Variants in PPP4R3A observed in about 807,000 individuals in gnomAD.
PPP4R3A encodes the protein serine/threonine-protein phosphatase 4 regulatory subunit 3A.
In PPP4R3A, 15 loss-of-function variants were observed where a neutral mutation model predicts 91.7. The observed-to-expected ratio is 0.16, with a 90% CI of 0.11 to 0.25. The LOEUF is 0.25. PPP4R3A is among the 10% of genes least tolerant of loss of function. The probability of loss-of-function intolerance (pLI) is 1.00; values close to 1 mark genes in which losing one functional copy is unlikely to be tolerated. For missense variants in PPP4R3A, 623 were observed against 998.4 expected (o/e 0.62, Z 5.07); for synonymous variants, 377 against 348.7 (o/e 1.08, Z -0.91).
chr14:91,500,137 G>A (rs544996551), intron 1 of PPP4R3A, among the ~76,000 whole-genome samples: 2 of 152,344 alleles, frequency 1.3e-5, no homozygotes, highest in South Asian at 2.1e-4. Flanking sequence ...CTACCTCACA[G>A]GGTTGCCATT....
chr14:91,471,810 T>C (rs1239413564), intron 9 of PPP4R3A, among the ~76,000 whole-genome samples: 1 of 152,102 alleles, frequency 6.6e-6, no homozygotes, highest in African/African-American at 2.4e-5. Flanking sequence ...ACACCTATAA[T>C]CCCAGCACTT....
chr14:91,473,900 G>A (rs1889002367), intron 7 of PPP4R3A, among the ~76,000 whole-genome samples: 1 of 152,126 alleles, frequency 6.6e-6, no homozygotes. Context: ...CTCCCTAGTA[G>A]CTGGGATTAC....
intron 1 of PPP4R3A, among the ~76,000 whole-genome samples, chr14:91,493,295 C>A (rs1890338776): frequency 7.0e-6 from 1 of 143,826 alleles, no homozygotes; most frequent in Admixed American, 6.9e-5. Context: ...CCAGCCTGGT[C>A]AACAGAGACT....
intron 3 of PPP4R3A, among the ~76,000 whole-genome samples, chr14:91,485,200 A>C (rs1487007604): frequency 6.6e-6 from 1 of 152,268 alleles, no homozygotes; most frequent in Non-Finnish European, 1.5e-5. Flanking sequence ...CTACAAAAGT[A>C]AAAATGAAGA....
In PPP4R3A at chr14:91,475,932, G is replaced by A. The variant is rs776093984; in HGVS notation, c.1145C>T (p.Thr382Ile). The change falls in exon 7 of 15, where the codon ACT (threonine) becomes ATT (isoleucine). Residue 382 changes from threonine to isoleucine, a missense_variant. Physicochemically the swap from Thr to Ile is moderately conservative, Grantham distance 89 (BLOSUM62 -1). Coordinates refer to ENST00000554943, the MANE Select transcript of PPP4R3A (RefSeq NM_001366432.2). ...TTCAACCAAGTATGAGAATATATCA[G>A]TAGCAGCACTTCGCACCTGTGTATC... ...MDDTQVRSAA[T>I]DIFSYLVEYN... The A allele has an allele frequency of 7.0e-5, 113 of 1,605,804 alleles. No homozygotes were observed. The highest frequency in any genetic ancestry group is 1.7e-4 in the Middle Eastern group (1 of 6,050).
At chr14:91,489,625 T>C (rs149679132) in intron 2 of PPP4R3A, among the ~76,000 whole-genome samples, 531 of 152,354 alleles carry the variant, frequency 3.5e-3, no homozygotes, top group Non-Finnish European at 5.9e-3. Context: ...TTTCAATCTT[T>C]CCTTTTTCTT....
rs1889567763 is a variant in PPP4R3A at position 91,481,720 on chromosome 14, C to T, written c.771G>A (p.Leu257=). Residue 257 remains leucine, a synonymous_variant, in exon 4 of 15, where the codon CTG becomes CTA. Transcript: ENST00000554943. ...TGTATGTCTGATGAATTTTTTGTTT[C>T]AGCTCAGGATCTGATATGGGAATCA... The part of the protein sequence containing the change: ...KEVIPISDPE[L]KQKIHQTYRV... 1 of 1,613,962 alleles carries T rather than the reference C, an allele frequency of 6.2e-7. No homozygotes were observed. Among genetic ancestry groups the T allele is most frequent in the Non-Finnish European group, 8.5e-7 (1 of 1,179,978 alleles).
At position 91,458,763 on chromosome 14, in the gene PPP4R3A, G is replaced by C. The variant is rs964682464; in HGVS notation, c.2498C>G (p.Ser833Ter). Reference sequence around the variant, plus strand: ...GATCCTAGGCCGTTGCCATTATTATGAATCAAATTTTGCTTTCTTTGACAA... The same window carrying C: ...GATCCTAGGCCGTTGCCATTATTATCAATCAAATTTTGCTTTCTTTGACAA... ...LPLSKKAKFD[S>*] The change falls in exon 15 of 15, where the codon TCA becomes TGA. Residue 833 changes from serine (S) to a stop codon, truncating the protein, a stop_gained. Transcript: ENST00000554943. LOFTEE classifies it high-confidence loss of function. 2 of 1,613,946 alleles carry C rather than the reference G, an allele frequency of 1.2e-6. No individual in the cohort carries two copies. Among genetic ancestry groups the C allele is most frequent in the Admixed American group, 1.7e-5 (1 of 59,992 alleles).
intron 2 of PPP4R3A, among the ~76,000 whole-genome samples, chr14:91,486,873 C>T (rs1889910874): frequency 7.3e-6 from 1 of 136,206 alleles, no homozygotes; most frequent in East Asian, 2.1e-4. Context: ...CACTGCACTC[C>T]AGCCTGGGCA....
intron 4 of PPP4R3A, among the ~76,000 whole-genome samples, chr14:91,477,599 T>C (rs565027689): frequency 2.0e-5 from 3 of 152,328 alleles, no homozygotes; most frequent in Non-Finnish European, 2.9e-5. Flanking sequence ...GCCTTCATGA[T>C]TGTCCGGTCA....
intron 1 of PPP4R3A, among the ~76,000 whole-genome samples, chr14:91,508,968 G>C (rs1891581919): frequency 1.3e-5 from 2 of 152,204 alleles, no homozygotes; most frequent in Admixed American, 6.5e-5. Flanking sequence ...TTAGTGTAGA[G>C]TTGCCAGATA....
At chr14:91,470,745 CCTGTA>C in intron 10 of PPP4R3A, 87 bp downstream of exon 10, 1 of 1,428,342 alleles carries the variant, frequency 7.0e-7, no homozygotes. Context: ...GATCTCCTGA[CCTGTA>C]ATCAGTGGTC....
intron 3 of PPP4R3A, among the ~76,000 whole-genome samples, chr14:91,484,621 A>G (rs566532872): frequency 9.8e-5 from 15 of 152,322 alleles, no homozygotes; most frequent in African/African-American, 3.1e-4. Flanking sequence ...AAGGATTTTA[A>G]AAAACAATTA....
chr14:91,497,684 A>C (rs537945438), intron 1 of PPP4R3A, among the ~76,000 whole-genome samples: 18 of 152,346 alleles, frequency 1.2e-4, no homozygotes, highest in African/African-American at 4.3e-4. Flanking sequence ...AAGACTGAAA[A>C]TTGAATCATC....
chr14:91,498,492 A>C (rs1159884545), intron 1 of PPP4R3A, among the ~76,000 whole-genome samples: 3 of 152,202 alleles, frequency 2.0e-5, no homozygotes, highest in Non-Finnish European at 2.9e-5. Context: ...AATATTGATA[A>C]ATACAATCCA....
chr14:91,458,635 G>C lies in PPP4R3A; in HGVS notation c.*124C>G. The C allele has an allele frequency of 6.5e-6, 9 of 1,392,228 alleles. No homozygotes were observed. The highest frequency in any genetic ancestry group is 9.2e-6 in the Non-Finnish European group (9 of 980,110). The allele number at this position is 1,392,228 out of a possible 1,614,324, so 86.2% of individuals were successfully genotyped here. A position where few individuals can be genotyped will look rare whatever the true frequency, so the allele number is the denominator to read the frequency against. On this transcript the variant is annotated 3_prime_UTR_variant, in exon 15 of 15. Transcript: ENST00000554943. ...GGCACTTGATGAGCAGAAGTCAAGT[G>C]TAAGAGGCTGATCTGTGTCAGTCAT...
In PPP4R3A at chr14:91,475,856, A is replaced by G; in HGVS notation, c.1221T>C (p.Asn407=). The G allele has an allele frequency of 6.2e-7, 1 of 1,613,796 alleles. No homozygotes were observed. The change falls in exon 7 of 15, where the codon AAT becomes AAC. Residue 407 remains asparagine, a synonymous_variant. Coordinates refer to ENST00000554943, the MANE Select transcript of PPP4R3A (RefSeq NM_001366432.2). ...REFVMQEAQQ[N]DDVSKKLTEQ... is the part of the protein sequence containing the mutation. ...CTGTTAACTTCTTACTTACATCATC[A>G]TTCTGTTGTGCCTCCTGCATGACAA... is the stretch of plus-strand genomic sequence containing the variant.
intron 1 of PPP4R3A, among the ~76,000 whole-genome samples, chr14:91,499,121 C>T (rs970931902): frequency 2.0e-5 from 3 of 151,536 alleles, no homozygotes; most frequent in Admixed American, 6.6e-5. Context: ...AAAAATTTGC[C>T]AGGCATGGTG....
intron 1 of PPP4R3A, among the ~76,000 whole-genome samples, chr14:91,501,776 C>T (rs1343112643): frequency 6.7e-6 from 1 of 150,248 alleles, no homozygotes; most frequent in African/African-American, 2.5e-5. Flanking sequence ...GCGATCTTGG[C>T]TCACTGCAAG....
Sources: gnomAD v4.1 joint callset for allele counts (sites outside exome capture counted in the v4.1 genomes callset) on GRCh38, gnomAD v4.1.1 for gene constraint, MANE v1.5 for transcripts, NCBI Gene and HGNC (gene_info 2026-07-23, HGNC 2026-07-21) for gene names.